LRRK1: variants seen among roughly 807,000 people sequenced by gnomAD.
LRRK1 encodes the protein leucine rich repeat kinase 1, also known as leucine-rich repeat serine/threonine-protein kinase 1.
In LRRK1, 113 loss-of-function variants were observed where a neutral mutation model predicts 209.1. That is an observed-to-expected ratio of 0.54 (90% CI 0.46 to 0.63). The LOEUF (loss-of-function observed/expected upper bound fraction) is 0.63. Among genes scored for constraint, LRRK1 ranks in the 30% least tolerant of loss-of-function variants. The pLI, the probability that LRRK1 is intolerant of heterozygous loss-of-function variation, is 0.00. For synonymous variants in LRRK1, 1,144 were observed against 1,099.7 expected, an observed-to-expected ratio of 1.04 and a Z score of -0.80; for missense variants, 2,284 against 2,632.2, an observed-to-expected ratio of 0.87 and a Z score of 2.89.
Position 101,010,852 on chromosome 15 carries a change from A to G in LRRK1, c.1281+15A>G, listed in dbSNP as rs137984020. On this transcript the variant is annotated intron_variant, in intron 9 of 33. Transcript: ENST00000388948. ...CCTGCCCTTTGGTGAGTATCACACCAAAAGTCATGAAAGCCACAGTCAACT... is the reference window on the plus strand; with the variant it reads ...CCTGCCCTTTGGTGAGTATCACACCGAAAGTCATGAAAGCCACAGTCAACT... The G allele has an allele frequency of 1.0e-3, 1,676 of 1,601,630 alleles. 18 individuals carry two copies. In the African/African-American group the frequency reaches 0.02, roughly 19 times the overall value.
chr15:101,030,526 C>A (rs1355412692), intron 20 of LRRK1, among the ~76,000 whole-genome samples: 1 of 152,162 alleles, frequency 6.6e-6, no homozygotes, highest in Non-Finnish European at 1.5e-5. Context: ...GTCTGAGACA[C>A]CTGCCTTCTC....
chr15:101,011,295 C>T (rs1414920559), intron 9 of LRRK1, among the ~76,000 whole-genome samples: 12 of 150,312 alleles, frequency 8.0e-5, no homozygotes, highest in East Asian at 4.0e-4. Context: ...GGTGAAACCC[C>T]GTCTCTACTA....
At chr15:101,047,700 G>A (rs1345372437) in intron 21 of LRRK1, among the ~76,000 whole-genome samples, 1 of 150,252 alleles carries the variant, frequency 6.7e-6, no homozygotes, top group African/African-American at 2.5e-5. Flanking sequence ...CCCGGGGCAC[G>A]GAGCGGCCCC....
rs769240723 is a variant in LRRK1, at chr15:101,024,849, G to T, written c.2114G>T (p.Ser705Ile). ...FNVWDIGGPA[S>I]MATVNQCFFT... Reference sequence around the variant, plus strand: ...GTCTGGGACATCGGGGGACCGGCCAGCATGGCCACTGTCAACCAGTGCTTC... The same window carrying T: ...GTCTGGGACATCGGGGGACCGGCCATCATGGCCACTGTCAACCAGTGCTTC... Residue 705 changes from serine to isoleucine, a missense_variant, in exon 16 of 34, where the codon AGC becomes ATC. Ser to Ile is a moderately radical substitution (Grantham distance 142, BLOSUM62 -2). Transcript: ENST00000388948. The surrounding 1 kb of genome is among the most constrained non-coding windows in gnomAD (Gnocchi z 4.6). 6.2e-7 allele frequency: 1 copy of T among 1,614,170 alleles called. No individual in the cohort carries two copies. The highest frequency in any genetic ancestry group is 8.5e-7 in the Non-Finnish European group (1 of 1,179,986).
At chr15:101,004,895 C>T (rs567367287) in intron 6 of LRRK1, among the ~76,000 whole-genome samples, 1 of 152,284 alleles carries the variant, frequency 6.6e-6, no homozygotes, top group South Asian at 2.1e-4. Context: ...TGATTACTTG[C>T]TGTTGTTTTG....
At chr15:100,963,493 G>GT (rs1555461600) in intron 2 of LRRK1, among the ~76,000 whole-genome samples, 1 of 152,192 alleles carries the variant, frequency 6.6e-6, no homozygotes, top group Non-Finnish European at 1.5e-5. Context: ...GTTAAGTGAC[G>GT]TGAGTCCAGT....
intron 6 of LRRK1, 195 bp downstream of exon 6, chr15:100,989,593 C>CA (rs1272729096): frequency 1.6e-6 from 1 of 609,812 alleles, no homozygotes; most frequent in African/African-American, 1.9e-5. Context: ...GGCAAGAGAC[C>CA]AACAGACTGA....
intron 26 of LRRK1, 57 bp downstream of exon 26, chr15:101,053,477 C>A: frequency 6.9e-7 from 1 of 1,453,024 alleles, no homozygotes; most frequent in Non-Finnish European, 9.3e-7. Context: ...CCGGGCGCCT[C>A]CTGCCTGGCA....
chr15:101,026,109 T>C lies in LRRK1; in HGVS notation c.2377T>C (p.Phe793Leu). The change falls in exon 17 of 34, where the codon TTC (phenylalanine) becomes CTC (leucine). Residue 793 changes from phenylalanine (F) to leucine (L), a missense_variant. Physicochemically the swap from Phe to Leu is conservative, Grantham distance 22. Coordinates refer to ENST00000388948, the MANE Select transcript of LRRK1 (RefSeq NM_024652.6). The stretch of plus-strand genomic sequence containing the variant: ...CCCCTCCGGCTCCAGGGCCACAGGC[T>C]TCCCAGACATCACCTTCAAACACTT... Reference protein sequence around the residue: ...RSPSGSRATGFPDITFKHLHE... With the variant: ...RSPSGSRATGLPDITFKHLHE... 6.2e-7 allele frequency: 1 copy of C among 1,614,244 alleles called. No individual in the cohort carries two copies. The highest frequency in any genetic ancestry group is 8.5e-7 in the Non-Finnish European group (1 of 1,180,034).
chr15:100,998,675 G>A (rs895203410), intron 6 of LRRK1, among the ~76,000 whole-genome samples: 2 of 152,138 alleles, frequency 1.3e-5, no homozygotes, highest in African/African-American at 4.8e-5. Context: ...ATGGATAGTT[G>A]CTTGGATAGA....
chr15:101,061,636 CATCAGGGAA>C (rs762917241), intron 30 of LRRK1, among the ~76,000 whole-genome samples: 2 of 152,220 alleles, frequency 1.3e-5, no homozygotes, highest in Admixed American at 6.5e-5. Context: ...CTTGCCTTCA[CATCAGGGAA>C]ATCAGGGAAG....
At chr15:100,954,116 A>G (rs536654056) in intron 2 of LRRK1, among the ~76,000 whole-genome samples, 64 of 152,210 alleles carry the variant, frequency 4.2e-4, no homozygotes, top group African/African-American at 1.5e-3. Context: ...AGGTTTCATC[A>G]TATTGGCCAG....
rs377393955 is a variant in LRRK1 at position 101,058,160 on chromosome 15, C to T, written c.4679+19C>T. On this transcript the variant is annotated intron_variant, in intron 29 of 33. Coordinates refer to ENST00000388948, the MANE Select transcript of LRRK1 (RefSeq NM_024652.6). ...AGTCCAGGTAAGCTCCTGCGGGCTG[C>T]CCTGCCCCCTTTGTATTTGGGGTGG... The T allele has an allele frequency of 7.3e-5, 118 of 1,611,284 alleles. 1 individual carries two copies. In the Middle Eastern group the frequency reaches 1.6e-3, roughly 21 times the overall value.
chr15:100,954,890 A>G (rs1465856141), intron 2 of LRRK1, among the ~76,000 whole-genome samples: 1 of 152,198 alleles, frequency 6.6e-6, no homozygotes, highest in Non-Finnish European at 1.5e-5. Flanking sequence ...TACAATTAGA[A>G]CCATACTGTT....
At position 101,048,639 on chromosome 15, in the gene LRRK1, T is replaced by A; in HGVS notation, c.3281T>A (p.Phe1094Tyr). 1 of 1,533,960 alleles carries A rather than the reference T, an allele frequency of 6.5e-7. No individual in the cohort carries two copies. The highest frequency in any genetic ancestry group is 1.3e-5 in the South Asian group (1 of 78,166). The change falls in exon 22 of 34, where the codon TTT becomes TAT. Residue 1094 changes from phenylalanine to tyrosine, a missense_variant. Physicochemically the swap from Phe to Tyr is conservative, Grantham distance 22. Around this residue, in one of 6 missense-constraint regions of LRRK1, gnomAD observed 780 missense variants for 985.2 expected, o/e 0.79. Coordinates refer to ENST00000388948, the MANE Select transcript of LRRK1 (RefSeq NM_024652.6). ...TGGCAGGAAGGGCTCCTGGTCACTT[T>A]TGATGGGGGCTACCTCAGGTAGGAA... The part of the protein sequence containing the change: ...IYWQEGLLVT[F>Y]DGGYLSVESS...
chr15:100,961,479 C>T (rs1238656228), intron 2 of LRRK1, among the ~76,000 whole-genome samples: 2 of 151,986 alleles, frequency 1.3e-5, no homozygotes, highest in Non-Finnish European at 2.9e-5. Flanking sequence ...ATGGTGAAAC[C>T]CTGTCTCTAC....
intron 2 of LRRK1, among the ~76,000 whole-genome samples, chr15:100,930,451 GATCCACCCC>G (rs1378259056): frequency 6.6e-6 from 1 of 152,068 alleles, no homozygotes; most frequent in Non-Finnish European, 1.5e-5. Context: ...CACCCCCACT[GATCCACCCC>G]ATCCTAGGTG....
At chr15:100,964,247 C>G (rs891274572) in intron 2 of LRRK1, among the ~76,000 whole-genome samples, 1 of 152,200 alleles carries the variant, frequency 6.6e-6, no homozygotes, top group Non-Finnish European at 1.5e-5. Context: ...CTGGGTGACC[C>G]TCCCTCCTCT....
chr15:101,014,119 G>T (rs1428169889), intron 10 of LRRK1, among the ~76,000 whole-genome samples, 197 bp from the exon 11 acceptor site: 1 of 152,078 alleles, frequency 6.6e-6, no homozygotes, highest in Non-Finnish European at 1.5e-5. Flanking sequence ...TAGATAGATG[G>T]CCCCGTCGCA....
Sources: allele counts gnomAD v4.1 joint callset (sites outside exome capture counted in the v4.1 genomes callset), GRCh38; gene constraint gnomAD v4.1.1; regional missense constraint gnomAD v4.1.1; non-coding constraint Gnocchi (gnomAD v3.1); transcripts MANE v1.5; gene names NCBI Gene and HGNC (gene_info 2026-07-23, HGNC 2026-07-21).